The following MASP2 variants were observed in gnomAD, a reference collection of about 807,000 sequenced individuals.
MASP2 encodes the protein mannan-binding lectin serine protease 2.
In MASP2, 49 loss-of-function variants were observed where a neutral mutation model predicts 57.1. That is an observed-to-expected ratio of 0.86 (90% confidence interval 0.68 to 1.09). The LOEUF (loss-of-function observed/expected upper bound fraction) is 1.09, where lower values mean the gene tolerates loss of function less well. Among genes scored for constraint, MASP2 ranks in the 50% least tolerant of loss-of-function variants. The pLI, the probability that MASP2 is intolerant of heterozygous loss-of-function variation, is 0.00. For missense variants in MASP2, 900 were observed against 874.8 expected, an observed-to-expected ratio of 1.03 and a Z score of -0.36; for synonymous variants, 379 against 340.8, an observed-to-expected ratio of 1.11 and a Z score of -1.24.
At chr1:11,045,378 G>C in intron 4 of MASP2, 30 bp downstream of exon 4, 1 of 1,612,174 alleles carries the variant, frequency 6.2e-7, no homozygotes, top group Non-Finnish European at 8.5e-7. Context: ...CCAGGAGAGG[G>C]TGCGTTGGGG....
At chr1:11,045,307 G>A in intron 4 of MASP2, 101 bp downstream of exon 4, 3 of 1,564,986 alleles carry the variant, frequency 1.9e-6, no homozygotes, top group Non-Finnish European at 2.6e-6. Context: ...CCAGTGTCCA[G>A]GGCCCAGGCC....
rs76777290 is a variant in MASP2 at position 11,028,708 on chromosome 1, T to G, written c.1298-1060A>C. Among the ~76,000 whole-genome samples the G allele has an allele frequency of 8.8e-3, 310 of 35,142 alleles. 4 individuals are homozygous for G. The highest frequency in any genetic ancestry group is 0.076 in the East Asian group (43 of 568). The allele number at this position is 35,142 out of a possible 152,430, so 23.1% of individuals were successfully genotyped here. On this transcript the variant is annotated intron_variant, in intron 10 of 10. Transcript: ENST00000400897. ...TACTATCTTTCTGGGTTTTTTTTCT[T>G]TTTTTTTTTTTTTTTTTTTTTTTGA...
At chr1:11,044,833 G>T in intron 4 of MASP2, 1 of 1,551,128 alleles carries the variant, frequency 6.4e-7, no homozygotes, top group East Asian at 2.4e-5. Flanking sequence ...GGTCCATGGT[G>T]GGTGAATGGG....
intron 9 of MASP2, chr1:11,030,501 C>T: frequency 1.7e-6 from 1 of 575,186 alleles, no homozygotes; most frequent in East Asian, 2.9e-5. Context: ...AAGGTGTTGA[C>T]TTGTTAAATT....
rs758613711 is a variant in MASP2, at chr1:11,043,297, G to A, written c.741+42C>T. The A allele has an allele frequency of 5.8e-6, 9 of 1,542,868 alleles. No homozygotes were observed. The African/African-American group carries it at 9.5e-5, about 16-fold the overall frequency. On this transcript the variant is annotated intron_variant, in intron 5 of 10. Transcript: ENST00000400897. Reference sequence around the variant, plus strand: ...GAAGTAGGGGGTGCAGCTGGGCTGAGGGGGAGGATCTGGGACAAGATGAGG... The same window carrying A: ...GAAGTAGGGGGTGCAGCTGGGCTGAAGGGGAGGATCTGGGACAAGATGAGG...
chr1:11,034,789 C>T (rs750543053), intron 8 of MASP2, 39 bp downstream of exon 8: 11 of 1,428,684 alleles, frequency 7.7e-6, no homozygotes, highest in South Asian at 2.6e-5. Context: ...GAGGGAGTTC[C>T]GGGCGGTTAT....
At chr1:11,045,619 T>C in intron 3 of MASP2, 80 bp from the exon 4 acceptor site, 1 of 1,478,754 alleles carries the variant, frequency 6.8e-7, no homozygotes. Flanking sequence ...AGGAGATCCA[T>C]GACCTCAGAG....
At chr1:11,046,865 C>T in intron 2 of MASP2, 26 bp downstream of exon 2, 1 of 1,553,994 alleles carries the variant, frequency 6.4e-7, no homozygotes, top group Non-Finnish European at 8.7e-7. Flanking sequence ...CCCTGAGAAA[C>T]CCCAGCCCTC....
intron 6 of MASP2, among the ~76,000 whole-genome samples, chr1:11,039,076 C>G (rs1638334835): frequency 6.6e-6 from 1 of 152,196 alleles, no homozygotes; most frequent in African/African-American, 2.4e-5. Flanking sequence ...ACCCACTTAT[C>G]CTTTAAATTC....
chr1:11,032,466 C>T (rs1434488153), intron 8 of MASP2, among the ~76,000 whole-genome samples: 2 of 151,562 alleles, frequency 1.3e-5, no homozygotes, highest in Non-Finnish European at 2.9e-5. Flanking sequence ...AAAAAAATTA[C>T]TGGGTGTGGT....
chr1:11,045,669 A>T (rs1017684582), intron 3 of MASP2, 130 bp from the exon 4 acceptor site: 20 of 1,071,688 alleles, frequency 1.9e-5, no homozygotes, highest in Non-Finnish European at 2.5e-5. Flanking sequence ...AGGGTGCGGG[A>T]CTGGTGCCGG....
In MASP2 at chr1:11,026,764, T is replaced by C. The variant is rs1643739370; in HGVS notation, c.*121A>G. 1 of 791,698 alleles carries C rather than the reference T, an allele frequency of 1.3e-6. No homozygotes were observed. The highest frequency in any genetic ancestry group is 1.8e-6 in the Non-Finnish European group (1 of 541,988). The allele number at this position is 791,698 out of a possible 1,614,324, so 49.0% of individuals were successfully genotyped here. On this transcript the variant is annotated 3_prime_UTR_variant, in exon 11 of 11. Transcript: ENST00000400897. ...AGCAGCCTCACCTGGAGTCTGTTTT[T>C]TTGGGTGGAGCAACAACTGCCATGT...
chr1:11,045,118 T>A, intron 4 of MASP2: 1 of 754,246 alleles, frequency 1.3e-6, no homozygotes, highest in East Asian at 2.7e-5. Flanking sequence ...GAGGGCTAGA[T>A]ACCCCCGACT....
intron 6 of MASP2, among the ~76,000 whole-genome samples, chr1:11,041,625 GGA>G: frequency 6.7e-6 from 1 of 149,756 alleles, no homozygotes; most frequent in Admixed American, 6.6e-5. Context: ...ATGGATGGAT[GGA>G]TGGATGGATG....
intron 7 of MASP2, among the ~76,000 whole-genome samples, chr1:11,035,350 C>T (rs1233792783): frequency 6.6e-6 from 1 of 151,976 alleles, no homozygotes; most frequent in East Asian, 1.9e-4. Flanking sequence ...ATGGTGAAAC[C>T]CTGTCTCTAC....
In MASP2 at chr1:11,027,041, C is replaced by A; in HGVS notation, c.1905G>T (p.Gly635=). The part of the protein sequence containing the change: ...GKDSCRGDSG[G]ALVFLDSETE... ...TTTCACTATCTAGAAACACCAGTGC[C>A]CCTCCGCTGTCACCTCTGCAGCTGT... Residue 635 remains glycine, a synonymous_variant, in exon 11 of 11, where the codon GGG becomes GGT. Coordinates refer to ENST00000400897, the MANE Select transcript of MASP2 (RefSeq NM_006610.4). 2 of 1,594,930 alleles carry A rather than the reference C, an allele frequency of 1.3e-6. No homozygotes were observed. The highest frequency in any genetic ancestry group is 1.7e-6 in the Non-Finnish European group (2 of 1,170,640).
intron 6 of MASP2, among the ~76,000 whole-genome samples, chr1:11,041,044 T>C (rs1246315276): frequency 7.0e-6 from 1 of 143,564 alleles, no homozygotes; most frequent in African/African-American, 2.6e-5. Flanking sequence ...GATGGGTAGA[T>C]GAATATAAGG....
intron 7 of MASP2, among the ~76,000 whole-genome samples, chr1:11,036,632 T>TA (rs1638247068): frequency 6.9e-6 from 1 of 144,018 alleles, no homozygotes; most frequent in African/African-American, 2.6e-5. Flanking sequence ...TGTCTCTCTT[T>TA]TTTTTTTTTT....
chr1:11,026,980 C>A lies in MASP2; in HGVS notation c.1966G>T (p.Gly656Cys). 6.3e-7 allele frequency: 1 copy of A among 1,586,716 alleles called. No individual in the cohort carries two copies. Among genetic ancestry groups the A allele is most frequent in the Non-Finnish European group, 8.6e-7 (1 of 1,167,808 alleles). Residue 656 changes from glycine to cysteine, a missense_variant, in exon 11 of 11, where the codon GGT (glycine) becomes TGT (cysteine). By Grantham distance (159) the Gly-to-Cys change is radical. Coordinates refer to ENST00000400897, the MANE Select transcript of MASP2 (RefSeq NM_006610.4). ...CCTGCTTCCCCACAATTCATGGAAC[C>A]CCAGGACACTATTCCTCCCACAAAC... ...RWFVGGIVSW[G>C]SMNCGEAGQY...
Sources: allele counts gnomAD v4.1 joint callset (sites outside exome capture counted in the v4.1 genomes callset), GRCh38; gene constraint gnomAD v4.1.1; transcripts MANE v1.5; gene names NCBI Gene and HGNC (gene_info 2026-07-23, HGNC 2026-07-21).